Variants in RAD51B observed in about 807,000 individuals in gnomAD.
RAD51B encodes the protein DNA repair protein RAD51 homolog 2.
Under a neutral mutation model 42.2 loss-of-function variants are expected in RAD51B, and 38 were observed. That is an observed-to-expected ratio of 0.90 (90% CI 0.70 to 1.18). RAD51B has a LOEUF of 1.18. RAD51B is among the 50% of genes most tolerant of loss of function. The pLI is 0.00. For missense variants in RAD51B, 373 were observed against 400.7 expected (o/e 0.93, Z 0.59); for synonymous variants, 154 against 145.2 (o/e 1.06, Z -0.43).
chr14:68,048,515 C>T (rs2076339753), intron 7 of RAD51B, among the ~76,000 whole-genome samples: 3 of 152,058 alleles, frequency 2.0e-5, no homozygotes. Context: ...AAGTCCTTGC[C>T]CATGCCTATG....
At chr14:67,992,627 A>G (rs1007346961) in intron 7 of RAD51B, among the ~76,000 whole-genome samples, 13 of 152,214 alleles carry the variant, frequency 8.5e-5, no homozygotes, top group African/African-American at 2.9e-4. Flanking sequence ...ATTGATAAAC[A>G]GGATTCATCT....
At chr14:67,949,407 C>G (rs371346320) in intron 7 of RAD51B, among the ~76,000 whole-genome samples, 96 of 152,304 alleles carry the variant, frequency 6.3e-4, no homozygotes, top group Non-Finnish European at 8.2e-4. Flanking sequence ...TTTGCTCATA[C>G]CTTATCCCTC....
intron 8 of RAD51B, among the ~76,000 whole-genome samples, chr14:68,338,570 C>T (rs1396468238): frequency 6.6e-6 from 1 of 152,210 alleles, no homozygotes; most frequent in South Asian, 2.1e-4. Flanking sequence ...ATGGCTTAAA[C>T]ATGGCTGCCA....
At chr14:68,591,175 C>T (rs1430851285) in intron 10 of RAD51B, among the ~76,000 whole-genome samples, 1 of 152,192 alleles carries the variant, frequency 6.6e-6, no homozygotes, top group Admixed American at 6.5e-5. Context: ...TTGGAGAAGA[C>T]AGCAACAGGA....
chr14:68,407,007 A>G (rs1240033950), intron 8 of RAD51B, among the ~76,000 whole-genome samples: 1 of 152,200 alleles, frequency 6.6e-6, no homozygotes, highest in Non-Finnish European at 1.5e-5. Flanking sequence ...GTCATCTCCT[A>G]TGATAACAAT....
At chr14:68,490,450 C>T (rs528239384) in intron 10 of RAD51B, among the ~76,000 whole-genome samples, 2 of 152,184 alleles carry the variant, frequency 1.3e-5, no homozygotes, top group South Asian at 2.1e-4. Context: ...AGAAACACTC[C>T]GATTCAAAGA....
chr14:68,315,034 A>G (rs1376973583), intron 8 of RAD51B, among the ~76,000 whole-genome samples: 2 of 152,204 alleles, frequency 1.3e-5, no homozygotes, highest in Non-Finnish European at 2.9e-5. Context: ...GTTTCTTTCC[A>G]AGAACCACCT....
intron 7 of RAD51B, among the ~76,000 whole-genome samples, chr14:68,238,471 T>C (rs914491843): frequency 6.6e-6 from 1 of 152,132 alleles, no homozygotes; most frequent in African/African-American, 2.4e-5. Context: ...CAGCTAAATT[T>C]TAAAAAATTT....
intron 8 of RAD51B, among the ~76,000 whole-genome samples, chr14:68,396,833 C>T (rs56114674): frequency 4.6e-5 from 7 of 151,942 alleles, no homozygotes; most frequent in African/African-American, 1.2e-4. Flanking sequence ...AAAATTGGGG[C>T]GGGGAGGGGG....
intron 7 of RAD51B, among the ~76,000 whole-genome samples, chr14:68,032,897 A>T (rs1471904031): frequency 1.3e-5 from 2 of 151,776 alleles, no homozygotes; most frequent in Non-Finnish European, 2.9e-5. Context: ...TTTCATTCAG[A>T]TCTCTTATTT....
At chr14:67,877,513 C>T (rs1389950275) in intron 5 of RAD51B, among the ~76,000 whole-genome samples, 1 of 151,910 alleles carries the variant, frequency 6.6e-6, no homozygotes, top group Non-Finnish European at 1.5e-5. Context: ...TATCTTTATC[C>T]CATTTCCCAT....
At chr14:68,099,151 TA>T (rs1384450826) in intron 7 of RAD51B, among the ~76,000 whole-genome samples, 3 of 152,212 alleles carry the variant, frequency 2.0e-5, no homozygotes, top group Non-Finnish European at 4.4e-5. Flanking sequence ...CCCCAGCTGC[TA>T]ATCACTTCCT....
chr14:68,002,336 T>C (rs2075500324), intron 7 of RAD51B, among the ~76,000 whole-genome samples: 1 of 152,372 alleles, frequency 6.6e-6, no homozygotes, highest in Admixed American at 6.5e-5. Context: ...ATGTATATCT[T>C]CTTTTGAGAA....
chr14:67,865,361 C>T lies in RAD51B; in HGVS notation c.452+222C>T, dbSNP rs185709163. Among the ~76,000 whole-genome samples, 522 of 150,620 alleles carry T rather than the reference C, an allele frequency of 3.5e-3. 2 individuals carry two copies. The highest frequency in any genetic ancestry group is 0.012 in the African/African-American group (490 of 41,012). On this transcript the variant is annotated intron_variant, in intron 5 of 10. Coordinates refer to ENST00000471583, the MANE Select transcript of RAD51B (RefSeq NM_133510.4). Reference sequence around the variant, plus strand: ...AAGCGATTCTCCTGCCTCAGCCTCCCGAGTAGCTGAGACTACAGGTATGCA... The same window carrying T: ...AAGCGATTCTCCTGCCTCAGCCTCCTGAGTAGCTGAGACTACAGGTATGCA...
At chr14:68,256,989 C>G (rs2080767201) in intron 7 of RAD51B, among the ~76,000 whole-genome samples, 1 of 152,212 alleles carries the variant, frequency 6.6e-6, no homozygotes, top group South Asian at 2.1e-4. Flanking sequence ...GGAATAAAAT[C>G]TGTAATTTTT....
chr14:68,098,811 A>T (rs1372816229), intron 7 of RAD51B, among the ~76,000 whole-genome samples: 1 of 152,226 alleles, frequency 6.6e-6, no homozygotes, highest in Non-Finnish European at 1.5e-5. Flanking sequence ...ATTCTAGAGC[A>T]TATGCTCAAG....
chr14:68,200,620 A>G (rs2079463923), intron 7 of RAD51B, among the ~76,000 whole-genome samples: 1 of 151,974 alleles, frequency 6.6e-6, no homozygotes, highest in African/African-American at 2.4e-5. Context: ...TACGCATACA[A>G]TTTTACTTGA....
intron 10 of RAD51B, among the ~76,000 whole-genome samples, chr14:68,512,469 C>T (rs1420327805): frequency 1.3e-5 from 2 of 152,178 alleles, no homozygotes; most frequent in Non-Finnish European, 1.5e-5. Flanking sequence ...CTTTAACTTT[C>T]CCAGGGCAAA....
At chr14:68,099,277 AG>A (rs2077248752) in intron 7 of RAD51B, among the ~76,000 whole-genome samples, 3 of 152,210 alleles carry the variant, frequency 2.0e-5, no homozygotes, top group Non-Finnish European at 4.4e-5. Context: ...CATGATGCTC[AG>A]GGATGTGTGA....
Sources: allele counts gnomAD v4.1 joint callset (sites outside exome capture counted in the v4.1 genomes callset), GRCh38; gene constraint gnomAD v4.1.1; transcripts MANE v1.5; gene names NCBI Gene and HGNC (gene_info 2026-07-23, HGNC 2026-07-21).